Variants in BBX observed in about 807,000 individuals in gnomAD.
The protein encoded by BBX is HMG box transcription factor BBX.
A neutral mutation model predicts 100.2 loss-of-function variants in BBX; 30 were observed. The observed-to-expected ratio is 0.30, with a 90% CI of 0.22 to 0.41. The LOEUF (loss-of-function observed/expected upper bound fraction) is 0.41, where lower values mean the gene tolerates loss of function less well. BBX is among the 10% of genes least tolerant of loss of function. The pLI is 1.00. For missense variants in BBX, 1,023 were observed against 1,129.8 expected (o/e 0.91, Z 1.35); for synonymous variants, 376 against 388.1 (o/e 0.97, Z 0.37).
chr3:107,564,534 ATGT>A (rs2050735430), intron 2 of BBX, among the ~76,000 whole-genome samples: 3 of 152,168 alleles, frequency 2.0e-5, no homozygotes, highest in Admixed American at 2.0e-4. Context: ...TTTATTGTTA[ATGT>A]TGTGAGATGT....
chr3:107,635,639 T>C (rs2107744838), intron 2 of BBX, among the ~76,000 whole-genome samples: 1 of 152,314 alleles, frequency 6.6e-6, no homozygotes, highest in East Asian at 1.9e-4. Context: ...AAATTAGGAT[T>C]TGAAATAGAG....
chr3:107,763,756 C>T (rs1053163812), intron 10 of BBX, among the ~76,000 whole-genome samples: 9 of 152,128 alleles, frequency 5.9e-5, no homozygotes, highest in Admixed American at 2.0e-4. Flanking sequence ...TATTAACATA[C>T]TGATTTTTCT....
intron 2 of BBX, among the ~76,000 whole-genome samples, chr3:107,572,437 G>A (rs1032702535): frequency 4.6e-5 from 7 of 152,118 alleles, no homozygotes; most frequent in African/African-American, 1.7e-4. Flanking sequence ...AATGCCTGAA[G>A]CTGATTGGAG....
intron 2 of BBX, among the ~76,000 whole-genome samples, chr3:107,563,765 C>T (rs2050680970): frequency 6.6e-6 from 1 of 152,182 alleles, no homozygotes; most frequent in Non-Finnish European, 1.5e-5. Context: ...CAGGGACCTT[C>T]ATTTTACTTG....
chr3:107,642,323 T>G (rs1004489787), intron 2 of BBX, among the ~76,000 whole-genome samples: 2 of 152,204 alleles, frequency 1.3e-5, no homozygotes, highest in African/African-American at 4.8e-5. Context: ...TATCAACATG[T>G]AGTATATAAA....
intron 10 of BBX, among the ~76,000 whole-genome samples, chr3:107,763,369 C>CCT (rs2107719899): frequency 6.6e-6 from 1 of 152,188 alleles, no homozygotes; most frequent in African/African-American, 2.4e-5. Context: ...ATCTAGTACA[C>CCT]CTAATTTGTT....
Position 107,619,026 on chromosome 3 carries a change from C to A in BBX, c.-83-26810C>A, listed in dbSNP as rs559902580. ...CTATATTGTGGATTTGTCTGTTTCT[C>A]CTTTCGGTTCTATAAGTTTTTACTC... On this transcript the variant is annotated intron_variant, in intron 2 of 17. Transcript: ENST00000325805. Among the ~76,000 whole-genome samples the A allele has an allele frequency of 2.6e-5, 4 of 152,034 alleles. No individual in the cohort carries two copies. In the South Asian group the frequency reaches 8.3e-4, roughly 32 times the overall value.
chr3:107,534,092 A>T (rs1044473060), intron 2 of BBX, among the ~76,000 whole-genome samples: 5 of 152,224 alleles, frequency 3.3e-5, no homozygotes, highest in Admixed American at 2.0e-4. Flanking sequence ...GGTAAGACTT[A>T]AGTCAGTCTT....
At chr3:107,675,387 T>C (rs2059230615) in intron 3 of BBX, among the ~76,000 whole-genome samples, 1 of 152,152 alleles carries the variant, frequency 6.6e-6, no homozygotes, top group Non-Finnish European at 1.5e-5. Context: ...ACTGTGCTGA[T>C]GGGAAGCAGA....
intron 2 of BBX, among the ~76,000 whole-genome samples, chr3:107,642,211 C>A (rs1327311567): frequency 6.6e-6 from 1 of 152,120 alleles, no homozygotes; most frequent in Admixed American, 6.5e-5. Context: ...TATGCACACC[C>A]AGGACAGGGA....
chr3:107,696,426 G>T (rs2060605677), intron 3 of BBX, among the ~76,000 whole-genome samples: 1 of 151,370 alleles, frequency 6.6e-6, no homozygotes, highest in Non-Finnish European at 1.5e-5. Context: ...TTGCTTGTCT[G>T]TAAAGTATTT....
intron 2 of BBX, among the ~76,000 whole-genome samples, chr3:107,593,660 G>A (rs1452527570): frequency 6.6e-6 from 1 of 152,206 alleles, no homozygotes; most frequent in African/African-American, 2.4e-5. Context: ...TGCTCTCTAA[G>A]TGGCATATGC....
In BBX at chr3:107,608,413, G is replaced by A. The variant is rs112154088; in HGVS notation, c.-83-37423G>A. Among the ~76,000 whole-genome samples the A allele has an allele frequency of 5.3e-5, 8 of 152,136 alleles. 1 individual carries two copies. The highest frequency in any genetic ancestry group is 1.7e-4 in the African/African-American group (7 of 41,512). On this transcript the variant is annotated intron_variant, in intron 2 of 17. Coordinates refer to ENST00000325805, the MANE Select transcript of BBX (RefSeq NM_001142568.3). Reference sequence around the variant, plus strand: ...GATTTGTTTCTGGGTTCTCTATTCTGTTCTATGTCTATGTGTTTGTTATGC... The same window carrying A: ...GATTTGTTTCTGGGTTCTCTATTCTATTCTATGTCTATGTGTTTGTTATGC...
At chr3:107,655,261 A>C (rs1202764398) in intron 3 of BBX, among the ~76,000 whole-genome samples, 1 of 152,188 alleles carries the variant, frequency 6.6e-6, no homozygotes, top group Admixed American at 6.5e-5. Context: ...GCCCAAACGT[A>C]TGAAAATACT....
At chr3:107,772,603 C>A in intron 10 of BBX, 25 bp from the exon 11 acceptor site, 1 of 1,541,380 alleles carries the variant, frequency 6.5e-7, no homozygotes, top group Non-Finnish European at 8.7e-7. Context: ...TTCGGGTGCT[C>A]TCCCATTTTG....
At position 107,716,591 on chromosome 3, in the gene BBX, T is replaced by C; in HGVS notation, c.163-16T>C. ...AAAATATGTTAAAGATCTGGCTTTG[T>C]TTTTGGTGGTAATAGGTTCAACTTC... On this transcript the variant is annotated splice_polypyrimidine_tract_variant and intron_variant, in intron 4 of 17. Transcript: ENST00000325805. 1 of 1,607,044 alleles carries C rather than the reference T, an allele frequency of 6.2e-7. No individual in the cohort carries two copies. Among genetic ancestry groups the C allele is most frequent in the Non-Finnish European group, 8.5e-7 (1 of 1,174,512 alleles).
intron 17 of BBX, among the ~76,000 whole-genome samples, chr3:107,803,483 G>A (rs2070741300): frequency 6.6e-6 from 1 of 152,054 alleles, no homozygotes; most frequent in Non-Finnish European, 1.5e-5. Flanking sequence ...AGTTAGGGGT[G>A]GAAATATACG....
chr3:107,772,061 A>G (rs62263960), intron 10 of BBX, among the ~76,000 whole-genome samples: 16,151 of 151,264 alleles, frequency 0.11, 1,073 homozygotes, highest in Middle Eastern at 0.16. Context: ...AGAATTCTCA[A>G]CCAGTAAGTA....
At chr3:107,711,653 C>T (rs2107317812) in intron 4 of BBX, among the ~76,000 whole-genome samples, 1 of 152,306 alleles carries the variant, frequency 6.6e-6, no homozygotes, top group African/African-American at 2.4e-5. Flanking sequence ...GTAATTGTCT[C>T]ACTCCTTACT....
Sources: gnomAD v4.1 joint callset for allele counts (sites outside exome capture counted in the v4.1 genomes callset) on GRCh38, gnomAD v4.1.1 for gene constraint, MANE v1.5 for transcripts, NCBI Gene and HGNC (gene_info 2026-07-23, HGNC 2026-07-21) for gene names.